Variants in ADAMTS17 observed in about 807,000 individuals in gnomAD.
ADAMTS17 encodes ADAM metallopeptidase with thrombospondin type 1 motif 17, also known as A disintegrin and metalloproteinase with thrombospondin motifs 17.
ADAMTS17 carries 113 observed loss-of-function variants against 141.5 expected under a neutral mutation model. The observed-to-expected ratio is 0.80, with a 90% CI of 0.69 to 0.93. The LOEUF (loss-of-function observed/expected upper bound fraction) is 0.93. Ranked by LOEUF, ADAMTS17 falls within the 40% of genes least tolerant of loss-of-function variation. ADAMTS17 has a pLI of 0.00. For missense variants in ADAMTS17, 1,659 were observed against 1,517.9 expected (o/e 1.09, Z -1.54); for synonymous variants, 768 against 630.6 (o/e 1.22, Z -3.27).
chr15:100,302,765 T>C (rs1300202263), intron 3 of ADAMTS17, among the ~76,000 whole-genome samples: 1 of 152,188 alleles, frequency 6.6e-6, no homozygotes, highest in Admixed American at 6.5e-5. Flanking sequence ...GTATTGATCC[T>C]GGGTGTGTCT....
chr15:100,319,691 CAGAG>C (rs973246847), intron 3 of ADAMTS17, among the ~76,000 whole-genome samples: 12 of 152,076 alleles, frequency 7.9e-5, no homozygotes, highest in Admixed American at 5.9e-4. Flanking sequence ...ACCTGGGCGA[CAGAG>C]AGAGACTCCA....
At chr15:100,184,266 CTGTGG>C (rs1567315926) in intron 8 of ADAMTS17, among the ~76,000 whole-genome samples, 2 of 134,444 alleles carry the variant, frequency 1.5e-5, no homozygotes, top group East Asian at 5.3e-4. Flanking sequence ...ATGTCTAAGA[CTGTGG>C]AAAGCTCCAG....
At chr15:100,298,511 A>G (rs1011821533) in intron 3 of ADAMTS17, among the ~76,000 whole-genome samples, 4 of 152,210 alleles carry the variant, frequency 2.6e-5, no homozygotes, top group African/African-American at 7.2e-5. Context: ...CATCAGTCCC[A>G]TAAACACACC....
intron 15 of ADAMTS17, among the ~76,000 whole-genome samples, chr15:100,078,228 T>G (rs1026961335): frequency 5.5e-5 from 8 of 145,736 alleles, no homozygotes; most frequent in African/African-American, 2.2e-4. Context: ...TTTTTTTTTT[T>G]TGCGAAAAAT....
Position 100,159,241 on chromosome 15 carries a change from T to A in ADAMTS17, c.1182-3921A>T, listed in dbSNP as rs145006358. ...ACCTAAACAGCCACTGATAGATGGATCAATAAAATGTAGTCTATACATACA... is the reference window on the plus strand; with the variant it reads ...ACCTAAACAGCCACTGATAGATGGAACAATAAAATGTAGTCTATACATACA... On this transcript the variant is annotated intron_variant, in intron 8 of 21. Transcript: ENST00000268070. Among the ~76,000 whole-genome samples, 698 of 152,288 alleles carry A rather than the reference T, an allele frequency of 4.6e-3. 4 individuals are homozygous for A. Among genetic ancestry groups the A allele is most frequent in the African/African-American group, 0.016 (664 of 41,554 alleles).
At chr15:100,158,900 C>T (rs2141392902) in intron 8 of ADAMTS17, among the ~76,000 whole-genome samples, 1 of 152,212 alleles carries the variant, frequency 6.6e-6, no homozygotes, top group Middle Eastern at 3.4e-3. Context: ...CAGAGAAACA[C>T]AAATCAAAAC....
chr15:99,997,556 C>G lies in ADAMTS17; in HGVS notation c.2625G>C (p.Ala875=). Residue 875 remains alanine, a synonymous_variant, in exon 19 of 22, where the codon GCG becomes GCC. Transcript: ENST00000268070. This position sits in a 1 kb window ranked among gnomAD's most constrained non-coding sequence, Gnocchi z 4.7. ...WVAGPWSPCS[A]TCEKGFQHRE... is the part of the protein sequence containing the mutation. ...GGTGCTGGAAGCCTTTCTCACAGGT[C>G]GCCGAGCAGGGGCTCCACGGGCCTG... 1.2e-6 allele frequency: 2 copies of G among 1,613,506 alleles called. No individual in the cohort carries two copies. Among genetic ancestry groups the G allele is most frequent in the Non-Finnish European group, 1.7e-6 (2 of 1,180,032 alleles).
At chr15:100,169,895 C>G (rs183877532) in intron 8 of ADAMTS17, among the ~76,000 whole-genome samples, 1 of 152,160 alleles carries the variant, frequency 6.6e-6, no homozygotes, top group Non-Finnish European at 1.5e-5. Context: ...AATGACACCT[C>G]TGTTCTCCGG....
chr15:100,099,131 G>A (rs1038713283), intron 14 of ADAMTS17, among the ~76,000 whole-genome samples: 3 of 152,222 alleles, frequency 2.0e-5, no homozygotes, highest in African/African-American at 7.2e-5. Flanking sequence ...GGTGCAAACA[G>A]GAATGCATAC....
At chr15:100,180,661 C>A (rs142746389) in intron 8 of ADAMTS17, among the ~76,000 whole-genome samples, 4 of 152,122 alleles carry the variant, frequency 2.6e-5, no homozygotes, top group African/African-American at 4.8e-5. Flanking sequence ...CGCTGAATAT[C>A]TTTCCATTTT....
At chr15:100,279,618 G>A (rs2044216365) in intron 4 of ADAMTS17, among the ~76,000 whole-genome samples, 1 of 152,172 alleles carries the variant, frequency 6.6e-6, no homozygotes, top group Non-Finnish European at 1.5e-5. Flanking sequence ...CTAAATTCCT[G>A]ACCTGCTGAT....
At chr15:100,237,173 C>A (rs746139413) in intron 7 of ADAMTS17, among the ~76,000 whole-genome samples, 1 of 152,166 alleles carries the variant, frequency 6.6e-6, no homozygotes, top group Non-Finnish European at 1.5e-5. Flanking sequence ...CTATGCAGCC[C>A]GGTGAGGAGC....
intron 7 of ADAMTS17, among the ~76,000 whole-genome samples, 192 bp from the exon 8 acceptor site, chr15:100,199,615 C>A (rs893614841): frequency 6.6e-6 from 1 of 152,166 alleles, no homozygotes; most frequent in Non-Finnish European, 1.5e-5. Context: ...CAATAACCAC[C>A]GCAAGCATCC....
rs1567621864 is a variant in ADAMTS17, at chr15:99,972,705, C to T, written c.*1697G>A. On this transcript the variant is annotated 3_prime_UTR_variant, in exon 22 of 22. Coordinates refer to ENST00000268070, the MANE Select transcript of ADAMTS17 (RefSeq NM_139057.4). Reference sequence around the variant, plus strand: ...TTCCACAGAGCACCCACGGAAGTTTCTCAACACTTCTCGTTGATTCAAGTG... The same window carrying T: ...TTCCACAGAGCACCCACGGAAGTTTTTCAACACTTCTCGTTGATTCAAGTG... 6.6e-6 allele frequency: 1 copy of T among 152,186 alleles called. No individual in the cohort carries two copies. The highest frequency in any genetic ancestry group is 1.9e-4 in the East Asian group (1 of 5,180). The allele number at this position is 152,186 out of a possible 1,614,324, so 9.4% of individuals were successfully genotyped here.
intron 15 of ADAMTS17, among the ~76,000 whole-genome samples, chr15:100,090,945 T>C (rs1596396410): frequency 7.0e-6 from 1 of 143,276 alleles, no homozygotes; most frequent in African/African-American, 2.7e-5. Context: ...GAGGCGGAGG[T>C]TGCAATGAGC....
chr15:100,194,534 C>T (rs1391416526), intron 8 of ADAMTS17, among the ~76,000 whole-genome samples: 1 of 152,174 alleles, frequency 6.6e-6, no homozygotes, highest in South Asian at 2.1e-4. Flanking sequence ...CCTCCTTGAT[C>T]TGGGTTTTAT....
chr15:100,000,606 C>T (rs1290325057), intron 18 of ADAMTS17, among the ~76,000 whole-genome samples: 3 of 152,180 alleles, frequency 2.0e-5, no homozygotes, highest in African/African-American at 7.2e-5. Context: ...CTCCACCTCC[C>T]AGGTTCAAGC....
rs759464229 is a variant in ADAMTS17, at chr15:99,974,382, G to C, written c.*20C>G. On this transcript the variant is annotated 3_prime_UTR_variant, in exon 22 of 22. Transcript: ENST00000268070. ...TTTCAGACCTGAGTCTGAGCTTTGAGCGACCCTTGGGACTGCGTGTCACGA... is the reference window on the plus strand; with the variant it reads ...TTTCAGACCTGAGTCTGAGCTTTGACCGACCCTTGGGACTGCGTGTCACGA... 4.3e-6 allele frequency: 7 copies of C among 1,613,830 alleles called. No individual in the cohort carries two copies. In the East Asian group the frequency reaches 1.6e-4, roughly 36 times the overall value.
rs2033199214 is a variant in ADAMTS17, at chr15:100,062,482, C to A, written c.2138-8428G>T. The stretch of plus-strand genomic sequence containing the variant: ...CCTAACTCTTCAACAGGACTGTGGT[C>A]TTCATTGTAAACTTGCCTATTAGAG... On this transcript the variant is annotated intron_variant, in intron 15 of 21. Coordinates refer to ENST00000268070, the MANE Select transcript of ADAMTS17 (RefSeq NM_139057.4). Among the ~76,000 whole-genome samples, 3 of 152,176 alleles carry A rather than the reference C, an allele frequency of 2.0e-5. No individual in the cohort carries two copies. In the South Asian group the frequency reaches 6.2e-4, roughly 31 times the overall value.
Sources: allele counts gnomAD v4.1 joint callset (sites outside exome capture counted in the v4.1 genomes callset), GRCh38; gene constraint gnomAD v4.1.1; non-coding constraint Gnocchi (gnomAD v3.1); transcripts MANE v1.5; gene names NCBI Gene and HGNC (gene_info 2026-07-23, HGNC 2026-07-21).